ANO3: variants seen among roughly 807,000 people sequenced by gnomAD.
The protein encoded by ANO3 is anoctamin-3.
Under a neutral mutation model 144.8 loss-of-function variants are expected in ANO3, and 99 were observed. The observed-to-expected ratio is 0.68, with a 90% CI of 0.58 to 0.81. The LOEUF (loss-of-function observed/expected upper bound fraction) is 0.81. ANO3 is among the 30% of genes least tolerant of loss of function. The probability of loss-of-function intolerance (pLI) is 0.00; values close to 1 mark genes in which losing one functional copy is unlikely to be tolerated. For synonymous variants in ANO3, 414 were observed against 392.6 expected (o/e 1.05, Z -0.64); for missense variants, 905 against 1,202.2 (o/e 0.75, Z 3.66).
intron 9 of ANO3, 76 bp from the exon 10 acceptor site, chr11:26,537,330 C>T (rs1165321496): frequency 2.6e-6 from 3 of 1,141,110 alleles, no homozygotes; most frequent in Admixed American, 3.4e-5. Context: ...TCATTGTTCC[C>T]CGTATATTTC....
intron 3 of ANO3, chr11:26,460,051 A>G (rs1259293584): frequency 6.7e-6 from 3 of 449,456 alleles, no homozygotes; most frequent in Non-Finnish European, 1.3e-5. Flanking sequence ...TTCATTTTCA[A>G]CATTAGAGAT....
chr11:26,317,372 G>T (rs961701289), intron 1 of ANO3, among the ~76,000 whole-genome samples: 1 of 151,770 alleles, frequency 6.6e-6, no homozygotes, highest in African/African-American at 2.4e-5. Context: ...TCTGACAAAG[G>T]GCTAATATCC....
In ANO3 at chr11:26,439,459, C is replaced by G. The variant is rs77045252; in HGVS notation, c.47-2459C>G. On this transcript the variant is annotated intron_variant, in intron 1 of 26. Transcript: ENST00000256737. ...AGGTTAGTAGTTTCCAGAGACTGAGCTGAAGAGGAAATGGGGATCGGCTGC... is the reference window on the plus strand; with the variant it reads ...AGGTTAGTAGTTTCCAGAGACTGAGGTGAAGAGGAAATGGGGATCGGCTGC... Among the ~76,000 whole-genome samples, 1,480 of 152,250 alleles carry G rather than the reference C, an allele frequency of 9.7e-3. 36 individuals carry two copies. The highest frequency in any genetic ancestry group is 0.035 in the African/African-American group (1,444 of 41,524).
intron 14 of ANO3, among the ~76,000 whole-genome samples, chr11:26,575,209 A>G (rs1850955158): frequency 6.6e-6 from 1 of 152,008 alleles, no homozygotes; most frequent in Non-Finnish European, 1.5e-5. Context: ...CCTTAAGAAT[A>G]TAACAGTCTT....
chr11:26,418,125 G>A (rs866074153), intron 1 of ANO3, among the ~76,000 whole-genome samples: 1 of 152,052 alleles, frequency 6.6e-6, no homozygotes, highest in Non-Finnish European at 1.5e-5. Flanking sequence ...GGCACAGCAT[G>A]GAGAAACCCA....
At chr11:26,481,347 G>A (rs293945) in intron 4 of ANO3, among the ~76,000 whole-genome samples, 150,751 of 152,198 alleles carry the variant, frequency 0.99, 74,670 homozygotes, top group East Asian at 1. Flanking sequence ...GAGATCTGAG[G>A]GAATAAATTT....
chr11:26,589,649 G>T (rs1300120898), intron 14 of ANO3, among the ~76,000 whole-genome samples: 1 of 151,998 alleles, frequency 6.6e-6, no homozygotes, highest in Non-Finnish European at 1.5e-5. Flanking sequence ...CCTGACTGTG[G>T]ATTTGCCTAC....
intron 18 of ANO3, among the ~76,000 whole-genome samples, chr11:26,627,966 T>C (rs1018342145): frequency 6.6e-6 from 1 of 152,102 alleles, no homozygotes; most frequent in African/African-American, 2.4e-5. Context: ...ATTTAAAGAA[T>C]TTTTTTAAAC....
chr11:26,557,307 A>T (rs2134238598), intron 13 of ANO3, among the ~76,000 whole-genome samples: 1 of 151,816 alleles, frequency 6.6e-6, no homozygotes, highest in South Asian at 2.1e-4. Context: ...TAAAAATACA[A>T]AAAATTAGCC....
chr11:26,533,823 G>A (rs1849434209), intron 8 of ANO3, among the ~76,000 whole-genome samples: 1 of 152,124 alleles, frequency 6.6e-6, no homozygotes, highest in Non-Finnish European at 1.5e-5. Context: ...TTGACACAAT[G>A]GCGATTTATC....
intron 1 of ANO3, among the ~76,000 whole-genome samples, chr11:26,191,817 A>T (rs182415304): frequency 2.7e-3 from 407 of 151,884 alleles, no homozygotes; most frequent in African/African-American, 9.4e-3. Context: ...GTGTAAAGGG[A>T]TTTTTTTTCC....
chr11:26,501,312 C>T (rs1861184889), intron 4 of ANO3, among the ~76,000 whole-genome samples: 1 of 152,168 alleles, frequency 6.6e-6, no homozygotes, highest in South Asian at 2.1e-4. Context: ...TCACGCCCTG[C>T]TTCCTGTGTC....
Position 26,297,184 on chromosome 11 carries a change from CGT to C in ANO3, c.155-12435_155-12434del, listed in dbSNP as rs377447870. ...ACATCCCAAGCTGCATCAACCATTG[CGT>C]GTGTGTGTGTGTGTGTGTGTGTGTG... On this transcript the variant is annotated intron_variant, in intron 1 of 27. Transcript: ENST00000672621. 5.4e-3 allele frequency among the ~76,000 whole-genome samples: 786 copies of C among 145,994 alleles called. 2 individuals carry two copies. The highest frequency in any genetic ancestry group is 0.014 in the African/African-American group (565 of 40,042).
intron 4 of ANO3, among the ~76,000 whole-genome samples, chr11:26,502,237 T>C (rs1225561670): frequency 6.6e-6 from 1 of 152,200 alleles, no homozygotes; most frequent in African/African-American, 2.4e-5. Context: ...CCTGATTTTT[T>C]TTAGTTAAAA....
chr11:26,243,858 G>A (rs1337639336), intron 1 of ANO3, among the ~76,000 whole-genome samples: 3 of 152,024 alleles, frequency 2.0e-5, no homozygotes, highest in Non-Finnish European at 4.4e-5. Context: ...GCGGTGTCAC[G>A]CCTGTAATCC....
intron 1 of ANO3, among the ~76,000 whole-genome samples, chr11:26,393,925 A>G (rs990564287): frequency 1.3e-5 from 2 of 152,198 alleles, no homozygotes; most frequent in African/African-American, 4.8e-5. Context: ...TATTAAAATA[A>G]ATTTACATTC....
intron 1 of ANO3, among the ~76,000 whole-genome samples, chr11:26,201,998 T>G (rs1329832097): frequency 6.6e-6 from 1 of 151,236 alleles, no homozygotes; most frequent in Admixed American, 6.6e-5. Context: ...ATCTGTTACT[T>G]ATTTATTCAT....
chr11:26,428,749 G>GCC (rs1857993786), intron 1 of ANO3, among the ~76,000 whole-genome samples: 1 of 151,664 alleles, frequency 6.6e-6, no homozygotes, highest in Admixed American at 6.6e-5. Context: ...GTGTGTGTGT[G>GCC]TGTGTATGTG....
chr11:26,303,871 C>A (rs1279942313), intron 1 of ANO3, among the ~76,000 whole-genome samples: 1 of 152,108 alleles, frequency 6.6e-6, no homozygotes, highest in Non-Finnish European at 1.5e-5. Flanking sequence ...AGGTGCCTGC[C>A]ACCATACCTG....
Sources: allele counts gnomAD v4.1 joint callset (sites outside exome capture counted in the v4.1 genomes callset), GRCh38; gene constraint gnomAD v4.1.1; transcripts MANE v1.5; gene names NCBI Gene and HGNC (gene_info 2026-07-23, HGNC 2026-07-21).